Variants in CCDC178 observed in about 807,000 individuals in gnomAD.
CCDC178 encodes the protein coiled-coil domain-containing protein 178.
Under a neutral mutation model 117.4 loss-of-function variants are expected in CCDC178, and 126 were observed. The ratio of observed to expected loss-of-function variants is 1.07; its 90% confidence interval spans 0.93 to 1.24. CCDC178 has a LOEUF of 1.24. CCDC178 is among the 50% of genes most tolerant of loss of function. The probability of loss-of-function intolerance (pLI) is 0.00; values close to 1 mark genes in which losing one functional copy is unlikely to be tolerated. For missense variants in CCDC178, 1,030 were observed against 986.9 expected (o/e 1.04, Z -0.59); for synonymous variants, 283 against 313.4 (o/e 0.90, Z 1.02).
chr18:32,955,427 A>C (rs1291226678), intron 22 of CCDC178, among the ~76,000 whole-genome samples: 1 of 151,546 alleles, frequency 6.6e-6, no homozygotes, highest in Non-Finnish European at 1.5e-5. Context: ...AAATCTTCCC[A>C]CCTCTGCCTT....
intron 12 of CCDC178, among the ~76,000 whole-genome samples, chr18:33,283,132 C>T (rs891929490): frequency 1.3e-5 from 2 of 152,162 alleles, no homozygotes; most frequent in African/African-American, 2.4e-5. Context: ...TCCCCCAGAG[C>T]AGGCCAAACC....
chr18:33,316,322 G>A (rs1292843963), intron 11 of CCDC178, among the ~76,000 whole-genome samples: 1 of 152,180 alleles, frequency 6.6e-6, no homozygotes, highest in Non-Finnish European at 1.5e-5. Flanking sequence ...CACTCGAAGC[G>A]GCCGGCTGCA....
chr18:33,438,406 A>G (rs1026767881), intron 2 of CCDC178, among the ~76,000 whole-genome samples: 2 of 152,150 alleles, frequency 1.3e-5, no homozygotes, highest in African/African-American at 4.8e-5. Flanking sequence ...CTCTAGCAAG[A>G]TCTGAATAAA....
chr18:33,360,703 A>G (rs993781960), intron 6 of CCDC178, among the ~76,000 whole-genome samples: 9 of 151,698 alleles, frequency 5.9e-5, no homozygotes, highest in African/African-American at 1.9e-4. Context: ...GCATTTTTAT[A>G]CATGAATAAT....
rs528398411 is a variant in CCDC178 at position 33,430,246 on chromosome 18, A to AT, written c.-23+9715dup. 3.9e-3 allele frequency among the ~76,000 whole-genome samples: 599 copies of AT among 152,296 alleles called. 5 individuals are homozygous for AT. The highest frequency in any genetic ancestry group is 0.014 in the African/African-American group (563 of 41,572). ...GGAGCTTTATTTATTCTTAGACATT[A>AT]TTTTTTGTCAATGTATAACTGTTCG... is the stretch of plus-strand genomic sequence containing the variant. On this transcript the variant is annotated intron_variant, in intron 2 of 22. Transcript: ENST00000383096.
intron 20 of CCDC178, among the ~76,000 whole-genome samples, chr18:33,094,236 C>G (rs563833972): frequency 2.0e-5 from 3 of 151,974 alleles, no homozygotes; most frequent in Non-Finnish European, 4.4e-5. Flanking sequence ...AATTCTGTCA[C>G]AATAATTTAA....
chr18:33,034,364 C>A (rs1361961223), intron 21 of CCDC178, among the ~76,000 whole-genome samples: 1 of 152,028 alleles, frequency 6.6e-6, no homozygotes, highest in East Asian at 1.9e-4. Flanking sequence ...TATCTTGTCA[C>A]TTCTCTGCTT....
At chr18:33,400,699 G>C (rs2063697978) in intron 3 of CCDC178, among the ~76,000 whole-genome samples, 1 of 152,112 alleles carries the variant, frequency 6.6e-6, no homozygotes. Context: ...CTTCTATCCA[G>C]ACCACTAAAA....
intron 21 of CCDC178, among the ~76,000 whole-genome samples, chr18:33,043,608 T>C (rs1276370825): frequency 6.6e-6 from 1 of 152,098 alleles, no homozygotes; most frequent in Non-Finnish European, 1.5e-5. Context: ...TAGCTATTTA[T>C]ATCTTAAAAA....
intron 21 of CCDC178, among the ~76,000 whole-genome samples, chr18:33,032,668 T>G (rs1486573508): frequency 6.6e-6 from 1 of 152,068 alleles, no homozygotes; most frequent in Non-Finnish European, 1.5e-5. Context: ...AGGATGGATT[T>G]TTCAAGAAGA....
In CCDC178 at chr18:33,165,413, G is replaced by GGATGTGTGTAGACTATAT. The variant is rs1422232849; in HGVS notation, c.2238+46465_2238+46482dup. ...CTAGAGATTATTTAAGGATTCAGGA[G>GGATGTGTGTAGACTATAT]GATGTGTGTAGACTATATGCAAATA... On this transcript the variant is annotated intron_variant, in intron 20 of 22. Transcript: ENST00000383096. Among the ~76,000 whole-genome samples the GGATGTGTGTAGACTATAT allele has an allele frequency of 2.0e-5, 3 of 152,214 alleles. No homozygotes were observed. In the East Asian group the frequency reaches 5.8e-4, roughly 29 times the overall value.
chr18:33,292,390 A>G (rs1328383482), intron 12 of CCDC178, among the ~76,000 whole-genome samples: 3 of 152,158 alleles, frequency 2.0e-5, no homozygotes, highest in Non-Finnish European at 4.4e-5. Context: ...ACAGAAGCAG[A>G]GAGTAGAACA....
chr18:33,183,979 A>C (rs1453356455), intron 20 of CCDC178, among the ~76,000 whole-genome samples: 1 of 152,036 alleles, frequency 6.6e-6, no homozygotes, highest in Non-Finnish European at 1.5e-5. Flanking sequence ...TCTGTTCTCT[A>C]TCTATGTTTA....
intron 11 of CCDC178, among the ~76,000 whole-genome samples, chr18:33,297,823 T>C (rs891024890): frequency 1.4e-4 from 21 of 152,026 alleles, no homozygotes; most frequent in African/African-American, 4.8e-4. Context: ...AGGTGGACCA[T>C]GAAGTCAGGA....
rs1402486704 is a variant in CCDC178, at chr18:33,224,861, T to C, written c.1732A>G (p.Met578Val). ...GGTTCCTGTAGTTCTGCCAGTGACATGGCACATATTGCTCTATTTTTTATA... is the reference window on the plus strand; with the variant it reads ...GGTTCCTGTAGTTCTGCCAGTGACACGGCACATATTGCTCTATTTTTTATA... The part of the protein sequence containing the change: ...ELIKNRAICA[M>V]SLAELQEPLL... Residue 578 changes from methionine to valine, a missense_variant, in exon 17 of 23, where the codon ATG (methionine) becomes GTG (valine). By Grantham distance (21) the Met-to-Val change is conservative. Coordinates refer to ENST00000383096, the MANE Select transcript of CCDC178 (RefSeq NM_001105528.4). 2.6e-5 allele frequency: 42 copies of C among 1,585,830 alleles called. No homozygotes were observed. Among genetic ancestry groups the C allele is most frequent in the Non-Finnish European group, 3.3e-5 (39 of 1,164,922 alleles).
chr18:32,947,475 TCTA>T (rs1189676856), intron 22 of CCDC178, among the ~76,000 whole-genome samples: 2 of 152,360 alleles, frequency 1.3e-5, no homozygotes, highest in African/African-American at 4.8e-5. Context: ...CAGCTTTGCA[TCTA>T]CTTATTTGCC....
At chr18:33,057,745 C>T (rs960215055) in intron 21 of CCDC178, among the ~76,000 whole-genome samples, 6 of 152,126 alleles carry the variant, frequency 3.9e-5, no homozygotes, top group African/African-American at 1.4e-4. Context: ...TTGCCCACCT[C>T]GGCCTCCCAA....
intron 7 of CCDC178, among the ~76,000 whole-genome samples, chr18:33,355,760 G>T (rs1388967893): frequency 6.6e-6 from 1 of 152,162 alleles, no homozygotes; most frequent in Non-Finnish European, 1.5e-5. Context: ...AACACTGCCT[G>T]TAAGTAGCCC....
At chr18:33,301,113 T>C (rs1038135035) in intron 11 of CCDC178, among the ~76,000 whole-genome samples, 6 of 152,232 alleles carry the variant, frequency 3.9e-5, no homozygotes, top group Admixed American at 1.3e-4. Flanking sequence ...CACTGCTCCC[T>C]GCATCACAGC....
Sources: gnomAD v4.1 joint callset for allele counts (sites outside exome capture counted in the v4.1 genomes callset) on GRCh38, gnomAD v4.1.1 for gene constraint, MANE v1.5 for transcripts, NCBI Gene and HGNC (gene_info 2026-07-23, HGNC 2026-07-21) for gene names.